Variants in PCDH9 observed in about 807,000 individuals in gnomAD.
PCDH9 encodes protocadherin-9.
In PCDH9, 24 loss-of-function variants were observed where a neutral mutation model predicts 70.6. The observed-to-expected ratio is 0.34, with a 90% CI of 0.25 to 0.48. The LOEUF is 0.48. Among genes scored for constraint, PCDH9 ranks in the 20% least tolerant of loss-of-function variants. PCDH9 has a pLI of 0.99. For synonymous variants in PCDH9, 562 were observed against 558.5 expected, an observed-to-expected ratio of 1.01 and a Z score of -0.09; for missense variants, 1,281 against 1,503.6, an observed-to-expected ratio of 0.85 and a Z score of 2.45.
At chr13:66,706,321 AGCCTGACCTT>A (rs2078711025) in intron 3 of PCDH9, among the ~76,000 whole-genome samples, 1 of 152,234 alleles carries the variant, frequency 6.6e-6, no homozygotes, top group Non-Finnish European at 1.5e-5. Context: ...AAATTCAGTC[AGCCTGACCTT>A]GGTTCAAATT....
At chr13:67,040,367 C>T (rs2085088559) in intron 2 of PCDH9, among the ~76,000 whole-genome samples, 1 of 152,134 alleles carries the variant, frequency 6.6e-6, no homozygotes, top group Non-Finnish European at 1.5e-5. Flanking sequence ...CCCAGCTACT[C>T]AGGAGGCTGA....
At chr13:66,464,036 C>T (rs898818293) in intron 4 of PCDH9, among the ~76,000 whole-genome samples, 1 of 151,752 alleles carries the variant, frequency 6.6e-6, no homozygotes, top group Admixed American at 6.6e-5. Context: ...TTCTGTTTTA[C>T]ACTAGGACCA....
intron 2 of PCDH9, among the ~76,000 whole-genome samples, chr13:66,909,038 C>G (rs1162985075): frequency 6.6e-6 from 1 of 151,888 alleles, no homozygotes. Flanking sequence ...TTACCTGTAT[C>G]TATAGTATAC....
intron 2 of PCDH9, among the ~76,000 whole-genome samples, chr13:67,140,229 A>C (rs1348852949): frequency 6.6e-6 from 1 of 152,082 alleles, no homozygotes; most frequent in East Asian, 1.9e-4. Flanking sequence ...TCTGGCTCAC[A>C]TTGCCAGAAC....
intron 4 of PCDH9, among the ~76,000 whole-genome samples, chr13:66,607,114 A>C (rs1264309918): frequency 2.0e-5 from 3 of 152,200 alleles, no homozygotes; most frequent in African/African-American, 7.2e-5. Context: ...AAAAATATTA[A>C]GATTAAAAAT....
At chr13:66,689,555 A>G (rs1249046313) in intron 3 of PCDH9, among the ~76,000 whole-genome samples, 1 of 152,140 alleles carries the variant, frequency 6.6e-6, no homozygotes, top group Non-Finnish European at 1.5e-5. Flanking sequence ...AGAGTTTATT[A>G]TGCTTGATTG....
chr13:66,635,589 A>T (rs1330381529), intron 3 of PCDH9, among the ~76,000 whole-genome samples: 1 of 152,134 alleles, frequency 6.6e-6, no homozygotes, highest in African/African-American at 2.4e-5. Context: ...AGCTTAGAAG[A>T]AAAGCAAAAG....
intron 2 of PCDH9, among the ~76,000 whole-genome samples, chr13:67,183,078 A>G (rs965371852): frequency 6.6e-6 from 1 of 152,188 alleles, no homozygotes; most frequent in African/African-American, 2.4e-5. Context: ...TATAGACATT[A>G]TCAATGATAA....
intron 2 of PCDH9, among the ~76,000 whole-genome samples, chr13:66,905,920 A>G (rs1788437669): frequency 6.6e-6 from 1 of 152,160 alleles, no homozygotes; most frequent in African/African-American, 2.4e-5. Context: ...TTTCTACTGT[A>G]CCATATCTCC....
At chr13:66,692,700 G>A (rs771553759) in intron 3 of PCDH9, among the ~76,000 whole-genome samples, 10 of 151,846 alleles carry the variant, frequency 6.6e-5, no homozygotes, top group Admixed American at 1.3e-4. Context: ...AATATTGTAG[G>A]TATTACAATT....
intron 3 of PCDH9, among the ~76,000 whole-genome samples, chr13:66,745,991 G>C (rs2079356839): frequency 6.6e-6 from 1 of 152,024 alleles, no homozygotes; most frequent in African/African-American, 2.4e-5. Context: ...CATGTGTATT[G>C]AGTTTTTCTC....
At chr13:66,462,616 T>C (rs929950842) in intron 4 of PCDH9, among the ~76,000 whole-genome samples, 8 of 151,852 alleles carry the variant, frequency 5.3e-5, no homozygotes, top group Non-Finnish European at 8.8e-5. Context: ...GTCTGAAATA[T>C]GGCCTGGGCT....
intron 3 of PCDH9, among the ~76,000 whole-genome samples, chr13:66,695,971 A>T (rs2078557598): frequency 6.6e-6 from 1 of 152,174 alleles, no homozygotes; most frequent in South Asian, 2.1e-4. Flanking sequence ...TCATGCAATC[A>T]TTTCATTTAC....
At chr13:66,457,330 G>A (rs560793540) in intron 4 of PCDH9, among the ~76,000 whole-genome samples, 2 of 151,958 alleles carry the variant, frequency 1.3e-5, no homozygotes, top group South Asian at 2.1e-4. Flanking sequence ...TATTTTTAAC[G>A]CTGCATAAAA....
At chr13:66,695,443 T>A (rs1203808150) in intron 3 of PCDH9, among the ~76,000 whole-genome samples, 1 of 152,184 alleles carries the variant, frequency 6.6e-6, no homozygotes, top group Non-Finnish European at 1.5e-5. Flanking sequence ...TGTGACTGCA[T>A]CTTGAGCACA....
intron 3 of PCDH9, among the ~76,000 whole-genome samples, chr13:66,657,765 T>C (rs2077952433): frequency 6.6e-6 from 1 of 152,226 alleles, no homozygotes; most frequent in African/African-American, 2.4e-5. Flanking sequence ...TATCTGTGAG[T>C]GTAAAGCATC....
At chr13:67,112,695 T>C (rs1489908330) in intron 2 of PCDH9, among the ~76,000 whole-genome samples, 1 of 144,674 alleles carries the variant, frequency 6.9e-6, no homozygotes, top group Non-Finnish European at 1.5e-5. Flanking sequence ...CCCTTCTTCC[T>C]TTCCTCCCTT....
intron 2 of PCDH9, among the ~76,000 whole-genome samples, chr13:67,175,475 A>G (rs937250282): frequency 4.6e-5 from 7 of 152,164 alleles, no homozygotes; most frequent in Admixed American, 3.3e-4. Context: ...ACAATGGAAA[A>G]AGTTCAAATA....
intron 4 of PCDH9, among the ~76,000 whole-genome samples, chr13:66,319,757 C>T (rs1955720122): frequency 6.6e-6 from 1 of 151,998 alleles, no homozygotes; most frequent in Non-Finnish European, 1.5e-5. Context: ...AACAAGATAA[C>T]TTGTAATATA....
Sources: gnomAD v4.1 joint callset for allele counts (sites outside exome capture counted in the v4.1 genomes callset) on GRCh38, gnomAD v4.1.1 for gene constraint, MANE v1.5 for transcripts, NCBI Gene and HGNC (gene_info 2026-07-23, HGNC 2026-07-21) for gene names.